GABBR2: variants seen among roughly 807,000 people sequenced by gnomAD.
GABBR2 encodes the protein gamma-aminobutyric acid type B receptor subunit 2, also known as G-protein coupled receptor 51.
Under a neutral mutation model 105.6 loss-of-function variants are expected in GABBR2, and 23 were observed. The observed-to-expected ratio is 0.22, with a 90% CI of 0.16 to 0.31. GABBR2 has a LOEUF of 0.31. Among genes scored for constraint, GABBR2 ranks in the 10% least tolerant of loss-of-function variants. The probability of loss-of-function intolerance (pLI) is 1.00; values close to 1 mark genes in which losing one functional copy is unlikely to be tolerated. For missense variants in GABBR2, 734 were observed against 1,245.5 expected, an observed-to-expected ratio of 0.59 and a Z score of 6.18; for synonymous variants, 478 against 499.7, an observed-to-expected ratio of 0.96 and a Z score of 0.58.
At chr9:98,352,347 G>A (rs533443866) in intron 13 of GABBR2, among the ~76,000 whole-genome samples, 32 of 152,308 alleles carry the variant, frequency 2.1e-4, no homozygotes, top group African/African-American at 7.5e-4. Flanking sequence ...TAGGCAGCTT[G>A]CATAGCCACC....
At chr9:98,318,919 G>GT (rs1564014956) in intron 13 of GABBR2, among the ~76,000 whole-genome samples, 2 of 129,172 alleles carry the variant, frequency 1.5e-5, no homozygotes, top group African/African-American at 2.7e-5. Flanking sequence ...GTGTGTTGGG[G>GT]GTGTGTGTGT....
chr9:98,626,716 T>C (rs1489297059), intron 1 of GABBR2, among the ~76,000 whole-genome samples: 1 of 152,238 alleles, frequency 6.6e-6, no homozygotes, highest in African/African-American at 2.4e-5. Context: ...ATTTTTATTA[T>C]CTGAAGCAAC....
chr9:98,694,459 C>T (rs557381704), intron 1 of GABBR2, among the ~76,000 whole-genome samples: 3 of 152,364 alleles, frequency 2.0e-5, no homozygotes, highest in East Asian at 3.9e-4. Flanking sequence ...CTAGATTCTT[C>T]GGTAAGACAG....
rs973360658 is a variant in GABBR2, at chr9:98,388,707, A to T, written c.1529+147T>A. ...CTCACATGCATGTAACACCTACAAC[A>T]TCCTAGCAACGGAGGAACACTTTGG... On this transcript the variant is annotated intron_variant, in intron 10 of 18. Coordinates refer to ENST00000259455, the MANE Select transcript of GABBR2 (RefSeq NM_005458.8). This position sits in a 1 kb window ranked among gnomAD's most constrained non-coding sequence, Gnocchi z 4.4. The T allele has an allele frequency of 1.6e-5, 9 of 578,372 alleles. No homozygotes were observed. In the African/African-American group the frequency reaches 1.7e-4, roughly 11 times the overall value. The allele number at this position is 578,372 out of a possible 1,614,324, so 35.8% of individuals were successfully genotyped here.
intron 3 of GABBR2, among the ~76,000 whole-genome samples, chr9:98,500,620 C>A (rs933633083): frequency 6.6e-6 from 1 of 152,152 alleles, no homozygotes; most frequent in African/African-American, 2.4e-5. Flanking sequence ...CACAAGGAGC[C>A]GAAGACATTC....
Position 98,306,180 on chromosome 9 carries a change from C to T in GABBR2, c.2170G>A (p.Val724Met), listed in dbSNP as rs777901163. 3.7e-6 allele frequency: 6 copies of T among 1,614,058 alleles called. No individual in the cohort carries two copies. The highest frequency in any genetic ancestry group is 1.7e-5 in the Admixed American group (1 of 60,002). Residue 724 changes from valine to methionine, a missense_variant, in exon 15 of 19, where the codon GTG becomes ATG. Val to Met is a conservative substitution (Grantham distance 21). Coordinates refer to ENST00000259455, the MANE Select transcript of GABBR2 (RefSeq NM_005458.8). This position sits in a 1 kb window ranked among gnomAD's most constrained non-coding sequence, Gnocchi z 5.4. ...CTGCAGAAGATGATGACCAGAGCCACGATGCAGAACTGCACATTGGGCTGG... is the reference window on the plus strand; with the variant it reads ...CTGCAGAAGATGATGACCAGAGCCATGATGCAGAACTGCACATTGGGCTGG... ...RDQPNVQFCI[V>M]ALVIIFCSTI...
intron 5 of GABBR2, among the ~76,000 whole-genome samples, chr9:98,473,840 A>G (rs575488519): frequency 3.9e-4 from 60 of 152,348 alleles, no homozygotes; most frequent in African/African-American, 1.4e-3. Context: ...CCAGTTTAGT[A>G]TCAACACAAC....
At chr9:98,386,425 G>C (rs1832073863) in intron 10 of GABBR2, among the ~76,000 whole-genome samples, 1 of 152,084 alleles carries the variant, frequency 6.6e-6, no homozygotes, top group African/African-American at 2.4e-5. Context: ...CACACATGTG[G>C]GCAGGAATAC....
At chr9:98,475,882 G>A (rs1181715549) in intron 5 of GABBR2, among the ~76,000 whole-genome samples, 1 of 152,178 alleles carries the variant, frequency 6.6e-6, no homozygotes, top group Non-Finnish European at 1.5e-5. Flanking sequence ...GGCCAACATG[G>A]TGAAACCTTG....
At chr9:98,581,946 G>A (rs1262685372) in intron 1 of GABBR2, among the ~76,000 whole-genome samples, 1 of 152,186 alleles carries the variant, frequency 6.6e-6, no homozygotes, top group African/African-American at 2.4e-5. Context: ...AAAACACTGG[G>A]ATATGTCAAC....
At chr9:98,482,202 G>T (rs1344122984) in intron 4 of GABBR2, among the ~76,000 whole-genome samples, 1 of 152,204 alleles carries the variant, frequency 6.6e-6, no homozygotes. Flanking sequence ...TGCTTTTAAA[G>T]ATCAGTTTTT....
At chr9:98,361,844 G>C (rs1396746874) in intron 13 of GABBR2, among the ~76,000 whole-genome samples, 1 of 152,192 alleles carries the variant, frequency 6.6e-6, no homozygotes, top group Admixed American at 6.5e-5. Context: ...AGTAAACACT[G>C]TCTCGAGATA....
chr9:98,307,799 G>A (rs964295815), intron 14 of GABBR2, among the ~76,000 whole-genome samples: 1 of 152,210 alleles, frequency 6.6e-6, no homozygotes, highest in Non-Finnish European at 1.5e-5. Context: ...GAAATGTTCT[G>A]TACCAAGGTA....
rs151166646 is a variant in GABBR2 at position 98,302,307 on chromosome 9, T to G, written c.2412+934A>C. Among the ~76,000 whole-genome samples the G allele has an allele frequency of 2.2e-4, 34 of 152,174 alleles. 1 individual carries two copies. In the East Asian group the frequency reaches 6.6e-3, roughly 29 times the overall value. ...TCCCTCATGTGGACTTTCTATCTCT[T>G]CCCCTCCTGACACTGTGAACAGGAC... On this transcript the variant is annotated intron_variant, in intron 16 of 18. Coordinates refer to ENST00000259455, the MANE Select transcript of GABBR2 (RefSeq NM_005458.8).
chr9:98,360,030 C>G (rs141647877), intron 13 of GABBR2, among the ~76,000 whole-genome samples: 1 of 152,112 alleles, frequency 6.6e-6, no homozygotes, highest in Non-Finnish European at 1.5e-5. Flanking sequence ...AAGGCTAGGA[C>G]GCGTACCATA....
intron 1 of GABBR2, 76 bp from the exon 2 acceptor site, chr9:98,578,148 A>C: frequency 7.3e-6 from 11 of 1,515,214 alleles, no homozygotes; most frequent in Non-Finnish European, 9.1e-6. Context: ...CAACAAACAA[A>C]TCTTTCCTCA....
intron 4 of GABBR2, among the ~76,000 whole-genome samples, chr9:98,487,831 T>C (rs974105153): frequency 2.6e-5 from 4 of 152,138 alleles, no homozygotes; most frequent in African/African-American, 9.7e-5. Context: ...AACCTGTGAG[T>C]ACGTTATGTC....
chr9:98,455,953 G>A (rs1170869026), intron 6 of GABBR2, among the ~76,000 whole-genome samples: 2 of 152,090 alleles, frequency 1.3e-5, no homozygotes, highest in Admixed American at 6.5e-5. Context: ...AGCTTTCCTT[G>A]GAAATGCATC....
chr9:98,561,736 T>C (rs1828676471), intron 2 of GABBR2, among the ~76,000 whole-genome samples: 1 of 151,992 alleles, frequency 6.6e-6, no homozygotes, highest in African/African-American at 2.4e-5. Flanking sequence ...ATTTTAAAAT[T>C]AGCCTGGCAT....
Sources: allele counts gnomAD v4.1 joint callset (sites outside exome capture counted in the v4.1 genomes callset), GRCh38; gene constraint gnomAD v4.1.1; non-coding constraint Gnocchi (gnomAD v3.1); transcripts MANE v1.5; gene names NCBI Gene and HGNC (gene_info 2026-07-23, HGNC 2026-07-21).